MEF2D: variants seen among roughly 807,000 people sequenced by gnomAD.
The protein encoded by MEF2D is myocyte-specific enhancer factor 2D.
In MEF2D, 10 loss-of-function variants were observed where a neutral mutation model predicts 59.3. The observed-to-expected ratio is 0.17, with a 90% CI of 0.10 to 0.29. The LOEUF is 0.29. MEF2D is among the 10% of genes least tolerant of loss of function. MEF2D has a pLI of 1.00. For missense variants in MEF2D, 508 were observed against 699.4 expected (o/e 0.73, Z 3.09); for synonymous variants, 305 against 295.0 (o/e 1.03, Z -0.35).
intron 7 of MEF2D, chr1:156,476,787 A>G: frequency 1.6e-6 from 1 of 642,398 alleles, no homozygotes; most frequent in East Asian, 2.7e-5. Flanking sequence ...CTTCTCTCTC[A>G]CCTCCTGCCC....
At chr1:156,494,156 A>C (rs1672989856) in intron 1 of MEF2D, among the ~76,000 whole-genome samples, 1 of 152,106 alleles carries the variant, frequency 6.6e-6, no homozygotes, top group Non-Finnish European at 1.5e-5. Context: ...CTTTAAAGGG[A>C]AAATCTCAAG....
rs746376134 is a variant in MEF2D at position 156,479,387 on chromosome 1, C to T, written c.608-41G>A. ...AACCAGGATGAGCTGACAACACTCC[C>T]GCTTCAAGAGTGAGTCTTGGGGACT... On this transcript the variant is annotated intron_variant, in intron 5 of 11. Transcript: ENST00000348159. 183 of 1,597,992 alleles carry T rather than the reference C, an allele frequency of 1.1e-4. No homozygotes were observed. In the East Asian group the frequency reaches 1.8e-3, roughly 16 times the overall value.
chr1:156,482,736 A>G, intron 2 of MEF2D, 96 bp from the exon 3 acceptor site: 3 of 1,148,492 alleles, frequency 2.6e-6, no homozygotes, highest in Non-Finnish European at 3.9e-6. Context: ...CCCTGCCCTC[A>G]GGAGCCCCCA....
chr1:156,497,549 T>C (rs1420238779), intron 1 of MEF2D, among the ~76,000 whole-genome samples: 1 of 152,124 alleles, frequency 6.6e-6, no homozygotes, highest in East Asian at 1.9e-4. Context: ...ATGACCTGTG[T>C]CCAAGAGGTC....
intron 8 of MEF2D, 94 bp downstream of exon 8, chr1:156,476,398 CGA>C (rs755238076): frequency 1.4e-6 from 2 of 1,411,922 alleles, no homozygotes; most frequent in Non-Finnish European, 2.0e-6. Flanking sequence ...CACGCACAGG[CGA>C]GAGGCCAAGG....
In MEF2D at chr1:156,495,586, C is replaced by T. The variant is rs1052602337; in HGVS notation, c.-139+4900G>A. Among the ~76,000 whole-genome samples the T allele has an allele frequency of 3.3e-5, 5 of 151,902 alleles. No homozygotes were observed. In the South Asian group the frequency reaches 6.3e-4, roughly 19 times the overall value. ...ACCTGGAAGGCTGAGGCCGGAGGAT[C>T]GCTTGAATGGGAGGCTGCAGTGAGC... On this transcript the variant is annotated intron_variant, in intron 1 of 11. Transcript: ENST00000348159.
chr1:156,481,973 C>G (rs1359023848), intron 3 of MEF2D, among the ~76,000 whole-genome samples: 1 of 152,200 alleles, frequency 6.6e-6, no homozygotes, highest in African/African-American at 2.4e-5. Flanking sequence ...TGTTGGCTCT[C>G]TTTGAAACAG....
intron 1 of MEF2D, among the ~76,000 whole-genome samples, chr1:156,495,322 C>G (rs1383413102): frequency 6.6e-6 from 1 of 152,138 alleles, no homozygotes; most frequent in Non-Finnish European, 1.5e-5. Flanking sequence ...TACTTCATAA[C>G]TAGGAAAGCT....
At chr1:156,467,878 AG>A (rs1421210022) in intron 11 of MEF2D, 114 bp downstream of exon 11, 31 of 1,355,494 alleles carry the variant, frequency 2.3e-5, no homozygotes, top group Non-Finnish European at 3.0e-5. Flanking sequence ...GGCTGGCGGA[AG>A]GGGTAGCCGG....
At chr1:156,487,902 T>A (rs1672473130) in intron 1 of MEF2D, among the ~76,000 whole-genome samples, 1 of 152,234 alleles carries the variant, frequency 6.6e-6, no homozygotes, top group Non-Finnish European at 1.5e-5. Context: ...TAACCATCTC[T>A]CCTTCACCCT....
In MEF2D at chr1:156,497,946, G is replaced by A. The variant is rs1673226316; in HGVS notation, c.-139+2540C>T. 2.6e-5 allele frequency among the ~76,000 whole-genome samples: 4 copies of A among 151,806 alleles called. No homozygotes were observed. The South Asian group carries it at 8.4e-4, about 32-fold the overall frequency. ...ACGGTAGAGGAGAAGGGTCTGAGGG[G>A]CTGGGCCATAATCAATGAGGGCCTA... On this transcript the variant is annotated intron_variant, in intron 1 of 11. Coordinates refer to ENST00000348159, the MANE Select transcript of MEF2D (RefSeq NM_005920.4).
Position 156,468,053 on chromosome 1 carries a change from G to A in MEF2D, c.1494C>T (p.Arg498=). 6.2e-7 allele frequency: 1 copy of A among 1,614,030 alleles called. No individual in the cohort carries two copies. Among genetic ancestry groups the A allele is most frequent in the South Asian group, 1.1e-5 (1 of 91,064 alleles). The part of the protein sequence containing the change: ...GDFGPTLGLL[R]PAPEPEAEGS... ...CCTCAGCCTCAGGCTCTGGGGCTGG[G>A]CGCAGCAGGCCCAGTGTGGGCCCGA... The change falls in exon 11 of 12, where the codon CGC becomes CGT. Residue 498 remains arginine (R), a synonymous_variant. Transcript: ENST00000348159. The surrounding 1 kb of genome is among the most constrained non-coding windows in gnomAD (Gnocchi z 4.3).
rs752408015 is a variant in MEF2D, at chr1:156,468,100, G to A, written c.1447C>T (p.Arg483Trp). 5 of 1,613,910 alleles carry A rather than the reference G, an allele frequency of 3.1e-6. No individual in the cohort carries two copies. The highest frequency in any genetic ancestry group is 1.7e-5 in the Admixed American group (1 of 59,986). Reference sequence around the variant, plus strand: ...CCGAAGTCCCCCCGTCCGTCATCCCGGTCTCCCGTCTCATAGGATCCCCCG... The same window carrying A: ...CCGAAGTCCCCCCGTCCGTCATCCCAGTCTCCCGTCTCATAGGATCCCCCG... The part of the protein sequence containing the change: ...PAGGSYETGD[R>W]DDGRGDFGPT... Residue 483 changes from arginine (R) to tryptophan (W), a missense_variant, in exon 11 of 12, where the codon CGG (arginine) becomes TGG (tryptophan). By Grantham distance (101) the Arg-to-Trp change is moderately radical. Transcript: ENST00000348159. The surrounding 1 kb of genome is among the most constrained non-coding windows in gnomAD (Gnocchi z 4.3).
intron 1 of MEF2D, among the ~76,000 whole-genome samples, chr1:156,487,879 G>A (rs552995932): frequency 2.0e-5 from 3 of 152,226 alleles, no homozygotes; most frequent in Non-Finnish European, 2.9e-5. Context: ...CCGGCCCTTG[G>A]CTGCTTCTCT....
intron 1 of MEF2D, among the ~76,000 whole-genome samples, chr1:156,487,128 C>T (rs1672423712): frequency 6.6e-6 from 1 of 152,206 alleles, no homozygotes; most frequent in Non-Finnish European, 1.5e-5. Context: ...GTTGCTTAGG[C>T]AACTGTCGCC....
intron 8 of MEF2D, among the ~76,000 whole-genome samples, chr1:156,475,790 T>C (rs1035143227): frequency 3.3e-5 from 5 of 152,224 alleles, no homozygotes; most frequent in Non-Finnish European, 7.4e-5. Context: ...TGCCTGCCTT[T>C]TCCAGCCTCT....
chr1:156,477,404 T>G (rs140858757), intron 6 of MEF2D, among the ~76,000 whole-genome samples: 1 of 152,194 alleles, frequency 6.6e-6, no homozygotes, highest in Non-Finnish European at 1.5e-5. Flanking sequence ...TACTCCTGAA[T>G]CTTTAGGTTC....
intron 1 of MEF2D, among the ~76,000 whole-genome samples, chr1:156,496,394 G>A (rs1214096636): frequency 6.6e-6 from 1 of 152,160 alleles, no homozygotes; most frequent in African/African-American, 2.4e-5. Flanking sequence ...GGGACACACG[G>A]TCAGTGTGAG....
At chr1:156,485,772 T>A (rs1672319548) in intron 1 of MEF2D, among the ~76,000 whole-genome samples, 3 of 151,660 alleles carry the variant, frequency 2.0e-5, no homozygotes, top group African/African-American at 7.3e-5. Flanking sequence ...TGGGCTTAAG[T>A]GATCCTCCTA....
Sources: allele counts gnomAD v4.1 joint callset (sites outside exome capture counted in the v4.1 genomes callset), GRCh38; gene constraint gnomAD v4.1.1; non-coding constraint Gnocchi (gnomAD v3.1); transcripts MANE v1.5; gene names NCBI Gene and HGNC (gene_info 2026-07-23, HGNC 2026-07-21).